The following IL10RB variants were observed in gnomAD, a reference collection of about 807,000 sequenced individuals.
IL10RB encodes interleukin 10 receptor subunit beta, also known as interleukin-10 receptor subunit beta.
IL10RB carries 30 observed loss-of-function variants against 38.7 expected under a neutral mutation model. The observed-to-expected ratio is 0.78, with a 90% CI of 0.58 to 1.05. The LOEUF is 1.05. IL10RB is among the 50% of genes least tolerant of loss of function. IL10RB has a pLI of 0.00. For synonymous variants in IL10RB, 142 were observed against 145.9 expected (o/e 0.97, Z 0.19); for missense variants, 328 against 397.1 (o/e 0.83, Z 1.48).
rs540952753 is a variant in IL10RB at position 33,272,923 on chromosome 21, C to T, written c.174-3673C>T. On this transcript the variant is annotated intron_variant, in intron 2 of 6. Transcript: ENST00000290200. ...TCACTTTCTGTCATGTTCCCTTTAG[C>T]GGTTGCTGTCGGGGCTGGTGTTCTG... 5.3e-5 allele frequency among the ~76,000 whole-genome samples: 8 copies of T among 152,320 alleles called. No individual in the cohort carries two copies. In the South Asian group the frequency reaches 1.2e-3, roughly 24 times the overall value.
At chr21:33,306,890 A>G (rs1218949298) in intron 1 of IL10RB, among the ~76,000 whole-genome samples, 3 of 152,162 alleles carry the variant, frequency 2.0e-5, no homozygotes, top group African/African-American at 4.8e-5. Flanking sequence ...TGTAAAAATT[A>G]TTAAAATCGG....
chr21:33,268,190 C>T, intron 1 of IL10RB: 5 of 1,464,634 alleles, frequency 3.4e-6, no homozygotes, highest in South Asian at 1.4e-5. Context: ...CCATTTTACT[C>T]CTGCCCCTCC....
At chr21:33,299,149 T>G (rs565508101), downstream of IL10RB, among the ~76,000 whole-genome samples, 1 of 152,210 alleles carries the variant, frequency 6.6e-6, no homozygotes, top group East Asian at 1.9e-4. Context: ...ACAAGGAAGC[T>G]CTCTCTTCTT....
chr21:33,276,719 C>T lies in IL10RB; in HGVS notation c.297C>T (p.Asp99=). Residue 99 remains aspartate, a synonymous_variant, in exon 3 of 7, where the codon GAC becomes GAT. Transcript: ENST00000290200. ...CTGAATTTGCAGATGAGCATTCAGA[C>T]TGGGTAAACATCACCTTCTGTCCTG... ...VRAEFADEHS[D]WVNITFCPVD... 1 of 1,614,078 alleles carries T rather than the reference C, an allele frequency of 6.2e-7. No individual in the cohort carries two copies. The highest frequency in any genetic ancestry group is 8.5e-7 in the Non-Finnish European group (1 of 1,179,922).
intron 4 of IL10RB, among the ~76,000 whole-genome samples, chr21:33,282,057 C>T (rs921174160): frequency 1.3e-4 from 20 of 152,126 alleles, no homozygotes; most frequent in Middle Eastern, 3.4e-3. Context: ...ACTGCAAGCC[C>T]GCCATTTTTT....
intron 2 of IL10RB, 115 bp from the exon 3 acceptor site, chr21:33,276,481 T>C (rs1335021993): frequency 2.5e-6 from 2 of 799,398 alleles, no homozygotes; most frequent in Non-Finnish European, 4.4e-6. Flanking sequence ...CGTATTTCTA[T>C]GTTTAACACA....
At chr21:33,305,484 C>T (rs556908595) in intron 1 of IL10RB, among the ~76,000 whole-genome samples, 74 of 152,108 alleles carry the variant, frequency 4.9e-4, no homozygotes, top group Non-Finnish European at 1.1e-3. Context: ...CATGACCTAT[C>T]AATAGGTCAG....
intron 6 of IL10RB, among the ~76,000 whole-genome samples, chr21:33,289,237 C>T (rs993666532): frequency 6.6e-6 from 1 of 152,236 alleles, no homozygotes; most frequent in Admixed American, 6.5e-5. Context: ...ACGAGTGCCT[C>T]ATTCCTGAAG....
chr21:33,298,787 G>A (rs8178577), downstream of IL10RB, among the ~76,000 whole-genome samples: 8,442 of 152,238 alleles, frequency 0.055, 823 homozygotes, highest in African/African-American at 0.19. Flanking sequence ...AGCTGCAAGC[G>A]TAGATTAGCA....
chr21:33,279,870 C>T lies in IL10RB; in HGVS notation c.450C>T (p.Asn150=), dbSNP rs141523582. 8.7e-6 allele frequency: 14 copies of T among 1,613,444 alleles called. No homozygotes were observed. The African/African-American group carries it at 1.7e-4, about 20-fold the overall frequency. The change falls in exon 4 of 7, where the codon AAC becomes AAT. Residue 150 remains asparagine, a synonymous_variant. Transcript: ENST00000290200. Reference sequence around the variant, plus strand: ...CTTGGACTATGAAGAATGTGTATAACTCATGGACTTATAATGTGCAATACT... The same window carrying T: ...CTTGGACTATGAAGAATGTGTATAATTCATGGACTTATAATGTGCAATACT... The part of the protein sequence containing the change: ...YETWTMKNVY[N]SWTYNVQYWK...
At chr21:33,266,602 A>G in intron 1 of IL10RB, 88 bp downstream of exon 1, 2 of 1,367,660 alleles carry the variant, frequency 1.5e-6, no homozygotes, top group Non-Finnish European at 2.0e-6. Flanking sequence ...GCGCCCTGCA[A>G]GTGACTTAAG....
In IL10RB at chr21:33,297,128, G is replaced by A. The variant is rs1169689052; in HGVS notation, c.*771G>A. The A allele has an allele frequency of 6.5e-6, 1 of 154,766 alleles. No homozygotes were observed. Among genetic ancestry groups the A allele is most frequent in the African/African-American group, 2.4e-5 (1 of 41,394 alleles). 9.6% of individuals were successfully genotyped at this position (154,766 alleles called of 1,614,324 possible). A position where few individuals can be genotyped will look rare whatever the true frequency, so the allele number is the denominator to read the frequency against. On this transcript the variant is annotated 3_prime_UTR_variant, in exon 7 of 7. Coordinates refer to ENST00000290200, the MANE Select transcript of IL10RB (RefSeq NM_000628.5). Reference sequence around the variant, plus strand: ...ATGCTACACAGAGCACGGACTTTTGGATTCTTTGCAGTACTTTGAATTTAT... The same window carrying A: ...ATGCTACACAGAGCACGGACTTTTGAATTCTTTGCAGTACTTTGAATTTAT...
intron 2 of IL10RB, among the ~76,000 whole-genome samples, chr21:33,276,297 T>C (rs1238291363): frequency 6.6e-6 from 1 of 152,234 alleles, no homozygotes; most frequent in Non-Finnish European, 1.5e-5. Flanking sequence ...GTAATATCTT[T>C]ATTTTGGTAA....
intron 2 of IL10RB, among the ~76,000 whole-genome samples, chr21:33,271,925 C>T (rs919120339): frequency 2.7e-5 from 4 of 150,428 alleles, no homozygotes; most frequent in African/African-American, 9.9e-5. Context: ...CCTCTTGTCT[C>T]TACAATTTTT....
intron 1 of IL10RB, among the ~76,000 whole-genome samples, chr21:33,305,896 A>G (rs564616449): frequency 6.6e-6 from 1 of 152,138 alleles, no homozygotes; most frequent in South Asian, 2.1e-4. Flanking sequence ...CAGTGGCACA[A>G]TCTCGGCTCA....
chr21:33,281,026 C>T (rs1447379703), intron 4 of IL10RB, among the ~76,000 whole-genome samples: 1 of 152,184 alleles, frequency 6.6e-6, no homozygotes, highest in African/African-American at 2.4e-5. Flanking sequence ...GATCAAGGCA[C>T]CAGCAGATTC....
chr21:33,307,846 T>A (rs1394140069), intron 1 of IL10RB, among the ~76,000 whole-genome samples: 1 of 152,198 alleles, frequency 6.6e-6, no homozygotes, highest in Non-Finnish European at 1.5e-5. Flanking sequence ...TGTTCACACA[T>A]TTGTCCTTGT....
At chr21:33,267,731 G>A (rs372401530) in intron 1 of IL10RB, among the ~76,000 whole-genome samples, 5 of 152,068 alleles carry the variant, frequency 3.3e-5, no homozygotes, top group South Asian at 4.2e-4. Context: ...GGCCAGGCTG[G>A]TCTCGAACTC....
At chr21:33,273,217 G>GT (rs930015759) in intron 2 of IL10RB, among the ~76,000 whole-genome samples, 13 of 152,142 alleles carry the variant, frequency 8.5e-5, no homozygotes, top group African/African-American at 3.1e-4. Context: ...GTAGGCAATC[G>GT]TAACACAATG....
Sources: allele counts gnomAD v4.1 joint callset (sites outside exome capture counted in the v4.1 genomes callset), GRCh38; gene constraint gnomAD v4.1.1; transcripts MANE v1.5; gene names NCBI Gene and HGNC (gene_info 2026-07-23, HGNC 2026-07-21).